The following KCNMA1 variants were observed in gnomAD, a reference collection of about 807,000 sequenced individuals.
KCNMA1 encodes potassium calcium-activated channel subfamily M alpha 1.
A neutral mutation model predicts 140.0 loss-of-function variants in KCNMA1; 29 were observed. That is an observed-to-expected ratio of 0.21 (90% CI 0.15 to 0.28). KCNMA1 has a LOEUF of 0.28. Among genes scored for constraint, KCNMA1 ranks in the 10% least tolerant of loss-of-function variants. The probability of loss-of-function intolerance (pLI) is 1.00; values close to 1 mark genes in which losing one functional copy is unlikely to be tolerated. For synonymous variants in KCNMA1, 612 were observed against 611.9 expected (o/e 1.00, Z 0.00); for missense variants, 880 against 1,602.2 (o/e 0.55, Z 7.70).
chr10:77,496,787 A>G (rs746991388), intron 1 of KCNMA1, among the ~76,000 whole-genome samples: 8 of 152,120 alleles, frequency 5.3e-5, no homozygotes, highest in Non-Finnish European at 1.0e-4. Context: ...TGTGTTGACC[A>G]GGACACAGCA....
intron 3 of KCNMA1, among the ~76,000 whole-genome samples, chr10:77,203,725 T>C (rs528989671): frequency 3.3e-5 from 5 of 152,210 alleles, no homozygotes; most frequent in African/African-American, 1.2e-4. Context: ...CTGATTATAA[T>C]TCAACAGTAC....
intron 2 of KCNMA1, among the ~76,000 whole-genome samples, chr10:77,267,561 G>A (rs938549756): frequency 6.6e-6 from 1 of 152,150 alleles, no homozygotes; most frequent in Non-Finnish European, 1.5e-5. Context: ...TTTGGTGAAA[G>A]AGCATCCAAG....
intron 9 of KCNMA1, among the ~76,000 whole-genome samples, chr10:77,098,475 C>T (rs1430039893): frequency 6.6e-6 from 1 of 152,142 alleles, no homozygotes; most frequent in African/African-American, 2.4e-5. Context: ...CCCGAGTTTC[C>T]ACTTCCTCAG....
intron 12 of KCNMA1, among the ~76,000 whole-genome samples, chr10:77,080,312 C>T (rs1423492347): frequency 6.6e-6 from 1 of 152,186 alleles, no homozygotes; most frequent in African/African-American, 2.4e-5. Flanking sequence ...TGGTGTAGCC[C>T]CGCTGTGCAG....
In KCNMA1 at chr10:77,364,534, A is replaced by G. The variant is rs769339117; in HGVS notation, c.540+39328T>C. On this transcript the variant is annotated intron_variant, in intron 2 of 27. Coordinates refer to ENST00000286628, the MANE Select transcript of KCNMA1 (RefSeq NM_001161352.2). ...TGTGACTGGAGGCTTACATTAACTC[A>G]TTTATATTTGTAGTTAGTAACATCA... Among the ~76,000 whole-genome samples, 5 of 152,322 alleles carry G rather than the reference A, an allele frequency of 3.3e-5. No homozygotes were observed. The South Asian group carries it at 1.0e-3, about 32-fold the overall frequency.
At chr10:76,945,738 C>A (rs946549890) in intron 22 of KCNMA1, among the ~76,000 whole-genome samples, 3 of 150,338 alleles carry the variant, frequency 2.0e-5, no homozygotes, top group African/African-American at 7.4e-5. Context: ...GTTTAGAAGC[C>A]TAAGATAGAG....
At position 77,251,285 on chromosome 10, in the gene KCNMA1, T is replaced by G. The variant is rs781129676; in HGVS notation, c.541-29A>C. On this transcript the variant is annotated intron_variant, in intron 2 of 27. Coordinates refer to ENST00000286628, the MANE Select transcript of KCNMA1 (RefSeq NM_001161352.2). ...TAAAAGAAGAGGAGAATGCCATCAC[T>G]TAAGAGTTGGACCTCAGGATGTTTG... 2.5e-6 allele frequency: 4 copies of G among 1,586,382 alleles called. No homozygotes were observed. The African/African-American group carries it at 5.4e-5, about 21-fold the overall frequency.
At chr10:76,922,644 C>A (rs2056287546) in intron 23 of KCNMA1, among the ~76,000 whole-genome samples, 1 of 152,130 alleles carries the variant, frequency 6.6e-6, no homozygotes. Flanking sequence ...AAGCAGTTAG[C>A]CCACCATGGG....
At chr10:77,457,866 T>C (rs1479196452) in intron 1 of KCNMA1, among the ~76,000 whole-genome samples, 1 of 152,082 alleles carries the variant, frequency 6.6e-6, no homozygotes, top group Admixed American at 6.5e-5. Flanking sequence ...TCTGGTTCCA[T>C]TCCAGGAAAA....
intron 1 of KCNMA1, among the ~76,000 whole-genome samples, chr10:77,490,415 C>T (rs538702122): frequency 6.6e-6 from 1 of 152,296 alleles, no homozygotes; most frequent in East Asian, 1.9e-4. Flanking sequence ...TCTTTGATGG[C>T]CTTACAGACA....
rs868429807 is a variant in KCNMA1 at position 76,953,943 on chromosome 10, G to C, written c.2361-19C>G. 9 of 1,613,560 alleles carry C rather than the reference G, an allele frequency of 5.6e-6. No individual in the cohort carries two copies. Among genetic ancestry groups the C allele is most frequent in the Non-Finnish European group, 7.6e-6 (9 of 1,179,722 alleles). Reference sequence around the variant, plus strand: ...GTCATGCCTGGGAAGAAAAGGACAGGAAAACCTAAGTGGAAAATGTGATAA... The same window carrying C: ...GTCATGCCTGGGAAGAAAAGGACAGCAAAACCTAAGTGGAAAATGTGATAA... On this transcript the variant is annotated intron_variant, in intron 20 of 27. Transcript: ENST00000286628.
chr10:76,908,467 GA>G (rs1199552576), intron 25 of KCNMA1, among the ~76,000 whole-genome samples: 1 of 152,162 alleles, frequency 6.6e-6, no homozygotes, highest in Non-Finnish European at 1.5e-5. Flanking sequence ...CCAAAATTCT[GA>G]TTTTTAAATA....
intron 2 of KCNMA1, among the ~76,000 whole-genome samples, chr10:77,270,535 T>C (rs1469258997): frequency 6.6e-6 from 1 of 151,678 alleles, no homozygotes; most frequent in East Asian, 1.9e-4. Flanking sequence ...TCTTTCTTTT[T>C]TTTTTTTCCA....
intron 2 of KCNMA1, among the ~76,000 whole-genome samples, chr10:77,346,541 T>A (rs1336674489): frequency 6.6e-6 from 1 of 152,180 alleles, no homozygotes; most frequent in Non-Finnish European, 1.5e-5. Context: ...TCAAATGCAC[T>A]CTCTCATTTT....
intron 16 of KCNMA1, among the ~76,000 whole-genome samples, chr10:77,025,825 G>C (rs1434972500): frequency 6.6e-6 from 1 of 151,968 alleles, no homozygotes; most frequent in African/African-American, 2.4e-5. Context: ...GATAAGTCCT[G>C]TGTTTTCTCA....
intron 1 of KCNMA1, among the ~76,000 whole-genome samples, chr10:77,443,477 A>T (rs1603620760): frequency 1.3e-5 from 2 of 152,006 alleles, no homozygotes; most frequent in Admixed American, 6.6e-5. Flanking sequence ...AGACGCTGCC[A>T]GTTGGAGAGA....
intron 23 of KCNMA1, among the ~76,000 whole-genome samples, chr10:76,933,089 T>G (rs1348449178): frequency 2.0e-5 from 3 of 152,174 alleles, no homozygotes; most frequent in Non-Finnish European, 4.4e-5. Flanking sequence ...TCCAGACAAG[T>G]GCAACATCTT....
At chr10:77,287,477 G>A (rs565737235) in intron 2 of KCNMA1, among the ~76,000 whole-genome samples, 2 of 152,290 alleles carry the variant, frequency 1.3e-5, no homozygotes, top group African/African-American at 4.8e-5. Context: ...CTTGCTCAGT[G>A]ATGAAAGAAG....
intron 2 of KCNMA1, among the ~76,000 whole-genome samples, chr10:77,364,678 C>T (rs1010638260): frequency 6.6e-6 from 1 of 152,142 alleles, no homozygotes; most frequent in Admixed American, 6.5e-5. Context: ...ACTTTTCCTA[C>T]CAAATGACAC....
Sources: allele counts gnomAD v4.1 joint callset (sites outside exome capture counted in the v4.1 genomes callset), GRCh38; gene constraint gnomAD v4.1.1; transcripts MANE v1.5; gene names NCBI Gene and HGNC (gene_info 2026-07-23, HGNC 2026-07-21).